CSMD1: variants seen among roughly 807,000 people sequenced by gnomAD.
CSMD1 encodes CUB and Sushi multiple domains 1, also known as CUB and sushi domain-containing protein 1.
A neutral mutation model predicts 417.5 loss-of-function variants in CSMD1; 213 were observed. The ratio of observed to expected loss-of-function variants is 0.51; its 90% CI spans 0.46 to 0.57. The LOEUF (loss-of-function observed/expected upper bound fraction) is 0.57. Ranked by LOEUF, CSMD1 falls within the 20% of genes least tolerant of loss-of-function variation. The pLI is 0.00. For missense variants in CSMD1, 6,923 were observed against 4,529.7 expected (o/e 1.53, Z -15.17); for synonymous variants, 2,862 against 1,736.8 (o/e 1.65, Z -16.11).
intron 3 of CSMD1, among the ~76,000 whole-genome samples, chr8:4,301,179 A>G (rs34852691): frequency 0.2 from 29,773 of 152,114 alleles, 3,566 homozygotes; most frequent in Non-Finnish European, 0.27. Flanking sequence ...GCTCTGGGGC[A>G]GCTCTCCTGG....
intron 3 of CSMD1, among the ~76,000 whole-genome samples, chr8:4,135,369 G>T (rs1367592101): frequency 1.5e-4 from 7 of 46,122 alleles, no homozygotes; most frequent in African/African-American, 6.8e-4. Flanking sequence ...GGAAGGAAGG[G>T]GAAAGTGGGA....
intron 4 of CSMD1, among the ~76,000 whole-genome samples, chr8:4,013,247 G>T (rs1056922041): frequency 4.6e-5 from 7 of 152,054 alleles, no homozygotes; most frequent in African/African-American, 1.7e-4. Context: ...TCCTCTGACT[G>T]TCTCTCCTAC....
chr8:3,809,265 C>A lies in CSMD1; in HGVS notation c.819-55223G>T, dbSNP rs533245438. ...AGACTTCTGACCAGCTGGGTCAGGT[C>A]AGCTCCCTTTGCCATATCACAACAC... On this transcript the variant is annotated intron_variant, in intron 5 of 69. Transcript: ENST00000635120. 6.6e-5 allele frequency among the ~76,000 whole-genome samples: 10 copies of A among 152,266 alleles called. No individual in the cohort carries two copies. The South Asian group carries it at 1.7e-3, about 25-fold the overall frequency.
intron 3 of CSMD1, among the ~76,000 whole-genome samples, chr8:4,185,381 T>A (rs910651503): frequency 1.3e-5 from 2 of 152,052 alleles, no homozygotes; most frequent in African/African-American, 4.8e-5. Flanking sequence ...ACAGGGCTTT[T>A]AAAGTACCCA....
intron 3 of CSMD1, among the ~76,000 whole-genome samples, chr8:4,077,503 T>G (rs759641871): frequency 2.6e-4 from 40 of 151,988 alleles, no homozygotes; most frequent in Non-Finnish European, 5.1e-4. Flanking sequence ...TTACTTGCAT[T>G]GTTTAACTTT....
intron 7 of CSMD1, among the ~76,000 whole-genome samples, chr8:3,666,105 A>G (rs1474546359): frequency 6.6e-6 from 1 of 152,174 alleles, no homozygotes; most frequent in African/African-American, 2.4e-5. Context: ...CATGTTGGCC[A>G]GGCTGGTCTT....
At chr8:4,527,643 A>C (rs773500891) in intron 2 of CSMD1, among the ~76,000 whole-genome samples, 2 of 152,208 alleles carry the variant, frequency 1.3e-5, no homozygotes, top group Non-Finnish European at 2.9e-5. Flanking sequence ...AACTATAGAT[A>C]AAATTTGAAT....
At chr8:3,390,491 G>C (rs1157123186) in intron 17 of CSMD1, among the ~76,000 whole-genome samples, 1 of 151,712 alleles carries the variant, frequency 6.6e-6, no homozygotes, top group South Asian at 2.1e-4. Flanking sequence ...GTAGGGCAAA[G>C]TCCTACCTTC....
At chr8:4,980,902 GA>G (rs113606855) in intron 1 of CSMD1, among the ~76,000 whole-genome samples, 37 of 143,500 alleles carry the variant, frequency 2.6e-4, no homozygotes, top group South Asian at 6.7e-4. Context: ...AGACTGTCTC[GA>G]AAAAAAAAAA....
intron 3 of CSMD1, among the ~76,000 whole-genome samples, chr8:4,406,006 C>T (rs1004503752): frequency 1.3e-5 from 2 of 152,150 alleles, no homozygotes; most frequent in Non-Finnish European, 2.9e-5. Context: ...AGTGAGAGGG[C>T]AATTCATTCA....
intron 1 of CSMD1, among the ~76,000 whole-genome samples, chr8:4,765,290 G>C (rs1000950394): frequency 6.6e-6 from 1 of 152,166 alleles, no homozygotes; most frequent in Non-Finnish European, 1.5e-5. Flanking sequence ...CTATTAAACA[G>C]CTCTAACTCA....
intron 18 of CSMD1, among the ~76,000 whole-genome samples, chr8:3,374,004 G>A (rs1239543451): frequency 6.7e-6 from 1 of 149,116 alleles, no homozygotes; most frequent in Admixed American, 6.7e-5. Flanking sequence ...CCAGGCTGGA[G>A]TGCAGTGGTG....
chr8:3,709,760 C>T lies in CSMD1; in HGVS notation c.932-1269G>A, dbSNP rs186958059. Among the ~76,000 whole-genome samples, 172 of 137,404 alleles carry T rather than the reference C, an allele frequency of 1.3e-3. 1 individual carries two copies. Among genetic ancestry groups the T allele is most frequent in the African/African-American group, 4.5e-3 (166 of 36,840 alleles). 90.1% of individuals were successfully genotyped at this position (137,404 alleles called of 152,430 possible). On this transcript the variant is annotated intron_variant, in intron 6 of 69. Transcript: ENST00000635120. ...GCTAAAACACCGGCTTTCCTGGTCT[C>T]CAACTTGCTGACTTACCCCTTTCAG...
intron 23 of CSMD1, among the ~76,000 whole-genome samples, chr8:3,326,448 G>A (rs1013616759): frequency 6.6e-6 from 1 of 152,128 alleles, no homozygotes; most frequent in African/African-American, 2.4e-5. Context: ...GAGGTGTTTC[G>A]GTTTCAGAGC....
At chr8:4,033,305 G>A (rs1193805726) in intron 3 of CSMD1, among the ~76,000 whole-genome samples, 3 of 151,966 alleles carry the variant, frequency 2.0e-5, no homozygotes, top group Non-Finnish European at 4.4e-5. Context: ...AGCCGGGCGT[G>A]GTGGCGGGCA....
chr8:3,983,768 T>C (rs548588310), intron 5 of CSMD1, among the ~76,000 whole-genome samples: 54 of 152,294 alleles, frequency 3.5e-4, no homozygotes, highest in African/African-American at 1.2e-3. Flanking sequence ...GGCTGTCAAC[T>C]GCACCTCTAG....
At chr8:4,361,558 AGAGTTC>A (rs1801765980) in intron 3 of CSMD1, among the ~76,000 whole-genome samples, 1 of 152,204 alleles carries the variant, frequency 6.6e-6, no homozygotes, top group South Asian at 2.1e-4. Context: ...AAAAAGTCGT[AGAGTTC>A]AAGTTTGTTC....
intron 1 of CSMD1, among the ~76,000 whole-genome samples, chr8:4,768,179 T>C (rs1005400026): frequency 3.3e-5 from 5 of 152,314 alleles, no homozygotes; most frequent in African/African-American, 4.8e-5. Flanking sequence ...AGGACATTGA[T>C]GGATGACTTT....
chr8:4,910,754 T>A (rs910968184), intron 1 of CSMD1, among the ~76,000 whole-genome samples: 3 of 152,208 alleles, frequency 2.0e-5, no homozygotes, highest in African/African-American at 4.8e-5. Context: ...AATTATATAT[T>A]GTCTCACCCC....
Sources: gnomAD v4.1 joint callset for allele counts (sites outside exome capture counted in the v4.1 genomes callset) on GRCh38, gnomAD v4.1.1 for gene constraint, MANE v1.5 for transcripts, NCBI Gene and HGNC (gene_info 2026-07-23, HGNC 2026-07-21) for gene names.